The following AGAP1 variants were observed in gnomAD, a reference collection of about 807,000 sequenced individuals.
AGAP1 encodes the protein ArfGAP with GTPase domain, ankyrin repeat and PH domain 1.
AGAP1 carries 29 observed loss-of-function variants against 105.3 expected under a neutral mutation model. The ratio of observed to expected loss-of-function variants is 0.28; its 90% CI spans 0.21 to 0.38. The LOEUF (loss-of-function observed/expected upper bound fraction) is 0.38. AGAP1 is among the 10% of genes least tolerant of loss of function. The probability of loss-of-function intolerance (pLI) is 1.00; values close to 1 mark genes in which losing one functional copy is unlikely to be tolerated. For missense variants in AGAP1, 998 were observed against 1,165.1 expected (o/e 0.86, Z 2.09); for synonymous variants, 509 against 485.9 (o/e 1.05, Z -0.63).
chr2:236,110,301 AC>A (rs1389858629), intron 16 of AGAP1, among the ~76,000 whole-genome samples: 3 of 152,044 alleles, frequency 2.0e-5, no homozygotes, highest in Admixed American at 1.3e-4. Context: ...TTCAAGACCA[AC>A]CTGGGCAAAC....
rs1030543684 is a variant in AGAP1, at chr2:236,012,656, A to G, written c.1646-23905A>G. Among the ~76,000 whole-genome samples, 1 of 152,236 alleles carries G rather than the reference A, an allele frequency of 6.6e-6. No individual in the cohort carries two copies. The highest frequency in any genetic ancestry group is 1.5e-5 in the Non-Finnish European group (1 of 68,038). On this transcript the variant is annotated intron_variant, in intron 13 of 17. Coordinates refer to ENST00000304032, the MANE Select transcript of AGAP1 (RefSeq NM_001037131.3). This position sits in a 1 kb window ranked among gnomAD's most constrained non-coding sequence, Gnocchi z 4.9. ...GGTAGGACCTTATAGATAGTGAAGA[A>G]ACCTGAAGGTATAGACATAAAGAAG...
chr2:235,494,909 G>A, intron 1 of AGAP1, 60 bp downstream of exon 1: 4 of 1,466,276 alleles, frequency 2.7e-6, no homozygotes, highest in Admixed American at 2.4e-5. Flanking sequence ...CGCGGCGGGG[G>A]TGTGCGCTGT....
intron 16 of AGAP1, among the ~76,000 whole-genome samples, chr2:236,079,548 A>G (rs1168415844): frequency 3.3e-5 from 4 of 120,854 alleles, no homozygotes; most frequent in Non-Finnish European, 6.2e-5. Context: ...AAAATTATAT[A>G]TATATACACA....
At chr2:235,505,999 C>T (rs35911169) in intron 1 of AGAP1, among the ~76,000 whole-genome samples, 1,888 of 149,216 alleles carry the variant, frequency 0.013, 31 homozygotes, top group African/African-American at 0.044. Context: ...GGTGTGATCT[C>T]AGCTCACTGC....
At chr2:235,533,630 A>AT (rs969015973) in intron 1 of AGAP1, among the ~76,000 whole-genome samples, 10 of 152,136 alleles carry the variant, frequency 6.6e-5, no homozygotes, top group African/African-American at 1.4e-4. Context: ...GCTTTATTCT[A>AT]TTTTTTTGGG....
chr2:235,821,410 G>T (rs1327474874), intron 9 of AGAP1, among the ~76,000 whole-genome samples: 6 of 144,642 alleles, frequency 4.1e-5, no homozygotes, highest in Admixed American at 2.7e-4. Context: ...TTGAGACGGG[G>T]TCTCGCTCTG....
rs779494024 is a variant in AGAP1 at position 235,623,992 on chromosome 2, A to G, written c.164-85187A>G. ...CTTAGGGGATCTGTCACTGCTTACT[A>G]CTAACAGAAGAACACCAAAATAAGG... On this transcript the variant is annotated intron_variant, in intron 1 of 17. Coordinates refer to ENST00000304032, the MANE Select transcript of AGAP1 (RefSeq NM_001037131.3). This position sits in a 1 kb window ranked among gnomAD's most constrained non-coding sequence, Gnocchi z 4.5. Among the ~76,000 whole-genome samples the G allele has an allele frequency of 7.2e-5, 11 of 152,310 alleles. No individual in the cohort carries two copies. Among genetic ancestry groups the G allele is most frequent in the Middle Eastern group, 6.8e-3 (2 of 294 alleles).
chr2:235,594,240 T>G (rs1217502539), intron 1 of AGAP1, among the ~76,000 whole-genome samples: 1 of 152,050 alleles, frequency 6.6e-6, no homozygotes, highest in Admixed American at 6.6e-5. Flanking sequence ...GCTGCCCCCT[T>G]CTGGTGACTA....
In AGAP1 at chr2:236,020,867, AAG is replaced by A. The variant is rs1406586344; in HGVS notation, c.1646-15692_1646-15691del. On this transcript the variant is annotated intron_variant, in intron 13 of 17. Coordinates refer to ENST00000304032, the MANE Select transcript of AGAP1 (RefSeq NM_001037131.3). This position sits in a 1 kb window ranked among gnomAD's most constrained non-coding sequence, Gnocchi z 5.0. ...TCCTCAGTGATGAGCAGCACCAACT[AAG>A]AACTAATGCAGGTAGGCCGGGCACA... 6.6e-6 allele frequency among the ~76,000 whole-genome samples: 1 copy of A among 152,162 alleles called. No homozygotes were observed. The highest frequency in any genetic ancestry group is 2.4e-5 in the African/African-American group (1 of 41,436).
Position 236,000,163 on chromosome 2 carries a change from A to G in AGAP1, c.1645+31540A>G, listed in dbSNP as rs1448407804. ...TGTCTCAACATCACTGGAGAGCTGC[A>G]TATTACGTTGTTATTTTTGTCTTTC... On this transcript the variant is annotated intron_variant, in intron 13 of 17. Transcript: ENST00000304032. This position sits in a 1 kb window ranked among gnomAD's most constrained non-coding sequence, Gnocchi z 4.3. Among the ~76,000 whole-genome samples, 2 of 152,158 alleles carry G rather than the reference A, an allele frequency of 1.3e-5. No homozygotes were observed. The highest frequency in any genetic ancestry group is 2.9e-5 in the Non-Finnish European group (2 of 68,036).
At chr2:236,117,459 G>T (rs1472307960) in intron 16 of AGAP1, among the ~76,000 whole-genome samples, 2 of 152,194 alleles carry the variant, frequency 1.3e-5, no homozygotes, top group African/African-American at 2.4e-5. Context: ...ACACAGCGAA[G>T]GGTTCAGGAG....
rs1304831564 is a variant in AGAP1, at chr2:235,686,550, T to C, written c.164-22629T>C. On this transcript the variant is annotated intron_variant, in intron 1 of 17. Transcript: ENST00000304032. ...AATTCTGGTTCCCAGGAAGGAGATA[T>C]ATATATACACACACACACACACACA... Among the ~76,000 whole-genome samples the C allele has an allele frequency of 1.1e-4, 10 of 90,188 alleles. No individual in the cohort carries two copies. In the South Asian group the frequency reaches 1.1e-3, roughly 10 times the overall value. The allele number at this position is 90,188 out of a possible 152,430, so 59.2% of individuals were successfully genotyped here.
chr2:235,860,312 C>T (rs546390121), intron 9 of AGAP1, among the ~76,000 whole-genome samples: 2 of 152,032 alleles, frequency 1.3e-5, no homozygotes, highest in Admixed American at 6.5e-5. Flanking sequence ...TAAGTGCGTT[C>T]GGTATTTCCT....
rs2052901369 is a variant in AGAP1, at chr2:235,934,674, CT to C, written c.1483+3752del. Among the ~76,000 whole-genome samples the C allele has an allele frequency of 6.6e-6, 1 of 152,120 alleles. No individual in the cohort carries two copies. Among genetic ancestry groups the C allele is most frequent in the African/African-American group, 2.4e-5 (1 of 41,416 alleles). On this transcript the variant is annotated intron_variant, in intron 12 of 17. Transcript: ENST00000304032. This position sits in a 1 kb window ranked among gnomAD's most constrained non-coding sequence, Gnocchi z 4.9. ...AAGTTGCCGGTGATATAAGTCCCCC[CT>C]GCCCCCACTTCCTTTTCGAATGTAT...
rs778534685 is a variant in AGAP1, at chr2:236,124,173, C to T, written c.*51C>T. On this transcript the variant is annotated 3_prime_UTR_variant, in exon 18 of 18. Transcript: ENST00000304032. This position sits in a 1 kb window ranked among gnomAD's most constrained non-coding sequence, Gnocchi z 5.1. ...CGCACCTGGGACGCGGCAGCCTCGC[C>T]GCATTCTCGCTCAGAAGTCGCAGCA... 28 of 1,588,822 alleles carry T rather than the reference C, an allele frequency of 1.8e-5. No individual in the cohort carries two copies. Among genetic ancestry groups the T allele is most frequent in the Admixed American group, 5.2e-5 (3 of 58,096 alleles).
At chr2:235,722,820 C>T (rs1453592575) in intron 3 of AGAP1, among the ~76,000 whole-genome samples, 2 of 151,706 alleles carry the variant, frequency 1.3e-5, no homozygotes, top group African/African-American at 4.8e-5. Context: ...CTTTGCTGGG[C>T]TACATTGGAA....
At position 235,891,191 on chromosome 2, in the gene AGAP1, C is replaced by T. The variant is rs781412420; in HGVS notation, c.1155+7742C>T. Reference sequence around the variant, plus strand: ...TGGCCGCACTTGCTGCAGTACTGACCGCCCTAACAGCTCCTTTATCTCCAC... The same window carrying T: ...TGGCCGCACTTGCTGCAGTACTGACTGCCCTAACAGCTCCTTTATCTCCAC... On this transcript the variant is annotated intron_variant, in intron 10 of 17. Transcript: ENST00000304032. This position sits in a 1 kb window ranked among gnomAD's most constrained non-coding sequence, Gnocchi z 4.2. Among the ~76,000 whole-genome samples the T allele has an allele frequency of 2.6e-5, 4 of 152,084 alleles. No homozygotes were observed. The highest frequency in any genetic ancestry group is 7.2e-5 in the African/African-American group (3 of 41,408).
At chr2:236,093,338 G>C (rs866989843) in intron 16 of AGAP1, among the ~76,000 whole-genome samples, 5 of 152,312 alleles carry the variant, frequency 3.3e-5, no homozygotes, top group South Asian at 2.1e-4. Flanking sequence ...AGGGGGAAGG[G>C]ACCTGGACAG....
Position 236,087,144 on chromosome 2 carries a change from G to T in AGAP1, c.2115-33048G>T, listed in dbSNP as rs1370020918. On this transcript the variant is annotated intron_variant, in intron 16 of 17. Transcript: ENST00000304032. The surrounding 1 kb of genome is among the most constrained non-coding windows in gnomAD (Gnocchi z 5.7). ...AAAAACAGAGCTGAAAAGGAAGAAGGCCCATTTGCTTCTGGGAATCCAATA... is the reference window on the plus strand; with the variant it reads ...AAAAACAGAGCTGAAAAGGAAGAAGTCCCATTTGCTTCTGGGAATCCAATA... 6.6e-6 allele frequency among the ~76,000 whole-genome samples: 1 copy of T among 152,122 alleles called. No homozygotes were observed. Among genetic ancestry groups the T allele is most frequent in the East Asian group, 1.9e-4 (1 of 5,186 alleles).
Sources: allele counts gnomAD v4.1 joint callset (sites outside exome capture counted in the v4.1 genomes callset), GRCh38; gene constraint gnomAD v4.1.1; non-coding constraint Gnocchi (gnomAD v3.1); transcripts MANE v1.5; gene names NCBI Gene and HGNC (gene_info 2026-07-23, HGNC 2026-07-21).